AGO2: variants seen among roughly 807,000 people sequenced by gnomAD.
AGO2 encodes the protein protein argonaute-2.
In AGO2, 5 loss-of-function variants were observed where a neutral mutation model predicts 102.3. That is an observed-to-expected ratio of 0.05 (90% CI 0.03 to 0.10). The LOEUF (loss-of-function observed/expected upper bound fraction) is 0.10. Among genes scored for constraint, AGO2 ranks in the 10% least tolerant of loss-of-function variants. The probability of loss-of-function intolerance (pLI) is 1.00; values close to 1 mark genes in which losing one functional copy is unlikely to be tolerated. For missense variants in AGO2, 541 were observed against 1,183.7 expected (o/e 0.46, Z 7.97); for synonymous variants, 449 against 473.1 (o/e 0.95, Z 0.66).
rs529159852 is a variant in AGO2 at position 140,620,955 on chromosome 8, C to A, written c.22+14530G>T. Among the ~76,000 whole-genome samples, 7 of 152,282 alleles carry A rather than the reference C, an allele frequency of 4.6e-5. No homozygotes were observed. The South Asian group carries it at 1.5e-3, about 32-fold the overall frequency. On this transcript the variant is annotated intron_variant, in intron 1 of 18. Coordinates refer to ENST00000220592, the MANE Select transcript of AGO2 (RefSeq NM_012154.5). ...AAGAGACAGGGTCCCGCTCCATCACCCAGGCTGGAGTGCAATGGCATGATC... is the reference window on the plus strand; with the variant it reads ...AAGAGACAGGGTCCCGCTCCATCACACAGGCTGGAGTGCAATGGCATGATC...
chr8:140,631,170 C>T (rs953858529), intron 1 of AGO2, among the ~76,000 whole-genome samples: 4 of 152,012 alleles, frequency 2.6e-5, no homozygotes, highest in Non-Finnish European at 4.4e-5. Flanking sequence ...AAATTTTGAG[C>T]AATGGGGCTC....
At chr8:140,565,232 G>A (rs901391902) in intron 3 of AGO2, among the ~76,000 whole-genome samples, 8 of 152,196 alleles carry the variant, frequency 5.3e-5, no homozygotes, top group African/African-American at 1.7e-4. Context: ...GAGATCAGGA[G>A]ATCGAGACCA....
chr8:140,562,740 C>T lies in AGO2; in HGVS notation c.337-106G>A, dbSNP rs139675812. ...AGACACTCCTGGGTGAGGAAGTCCCCGCCCAGGCCTCTAGCCAACCACTAG... is the reference window on the plus strand; with the variant it reads ...AGACACTCCTGGGTGAGGAAGTCCCTGCCCAGGCCTCTAGCCAACCACTAG... On this transcript the variant is annotated intron_variant, in intron 3 of 18. Coordinates refer to ENST00000220592, the MANE Select transcript of AGO2 (RefSeq NM_012154.5). 6.9e-5 allele frequency: 93 copies of T among 1,357,198 alleles called. No individual in the cohort carries two copies. The East Asian group carries it at 1.5e-3, about 22-fold the overall frequency. The allele number at this position is 1,357,198 out of a possible 1,614,324, so 84.1% of individuals were successfully genotyped here.
At chr8:140,612,220 CAAAAAAAAAAAAAAAAAAAAAAAAAAAA>C (rs542472147) in intron 1 of AGO2, among the ~76,000 whole-genome samples, 1 of 95,978 alleles carries the variant, frequency 1.0e-5, no homozygotes, top group African/African-American at 4.3e-5. Flanking sequence ...GACTCTGTCT[CAAAAAAAAAAAAAAAAAAAAAAAAAAAA>C]AAAAAAAAAA....
chr8:140,546,434 AGCT>A (rs2072902399), intron 13 of AGO2, among the ~76,000 whole-genome samples: 2 of 152,212 alleles, frequency 1.3e-5, no homozygotes, highest in South Asian at 4.1e-4. Flanking sequence ...GGGGTTCAAG[AGCT>A]GCTCAGGTGT....
At chr8:140,532,691 T>C (rs2072619309) in intron 17 of AGO2, 76 bp from the exon 18 acceptor site, 1 of 1,448,122 alleles carries the variant, frequency 6.9e-7, no homozygotes, top group Non-Finnish European at 9.5e-7. Context: ...AGATTTATAT[T>C]TGTATTATTA....
At chr8:140,534,879 G>C (rs1297735276) in intron 17 of AGO2, among the ~76,000 whole-genome samples, 1 of 152,202 alleles carries the variant, frequency 6.6e-6, no homozygotes, top group African/African-American at 2.4e-5. Flanking sequence ...TGGTGCTCCT[G>C]CTCCTGTCAG....
chr8:140,588,826 A>T (rs2133022290), intron 1 of AGO2, among the ~76,000 whole-genome samples: 1 of 152,298 alleles, frequency 6.6e-6, no homozygotes, highest in South Asian at 2.1e-4. Flanking sequence ...TTCCTTAGAG[A>T]GCGAGTTCGG....
At chr8:140,587,778 G>A (rs2073681259) in intron 1 of AGO2, among the ~76,000 whole-genome samples, 2 of 152,328 alleles carry the variant, frequency 1.3e-5, no homozygotes, top group South Asian at 4.1e-4. Flanking sequence ...TTCCAAAAGG[G>A]AATTCTAACA....
At chr8:140,548,340 G>GA (rs1241765722) in intron 12 of AGO2, among the ~76,000 whole-genome samples, 1 of 143,682 alleles carries the variant, frequency 7.0e-6, no homozygotes, top group Non-Finnish European at 1.5e-5. Context: ...AAAAGGAAAA[G>GA]AAAAAAAGGA....
At chr8:140,615,975 A>C (rs2074137735) in intron 1 of AGO2, among the ~76,000 whole-genome samples, 1 of 152,238 alleles carries the variant, frequency 6.6e-6, no homozygotes, top group African/African-American at 2.4e-5. Context: ...ATGCTTTCTG[A>C]TATCATTCAT....
intron 2 of AGO2, among the ~76,000 whole-genome samples, chr8:140,574,679 G>A (rs768622749): frequency 6.6e-6 from 1 of 152,142 alleles, no homozygotes; most frequent in Non-Finnish European, 1.5e-5. Context: ...AAAGGCCCAT[G>A]TGAGGGAAAT....
Position 140,539,253 on chromosome 8 carries a change from A to T in AGO2, c.2169+67T>A. The T allele has an allele frequency of 6.5e-7, 1 of 1,531,814 alleles. No homozygotes were observed. Among genetic ancestry groups the T allele is most frequent in the Non-Finnish European group, 8.8e-7 (1 of 1,137,930 alleles). The allele number at this position is 1,531,814 out of a possible 1,614,324, so 94.9% of individuals were successfully genotyped here. A position where few individuals can be genotyped will look rare whatever the true frequency, so the allele number is the denominator to read the frequency against. On this transcript the variant is annotated intron_variant, in intron 16 of 18. Transcript: ENST00000220592. The surrounding 1 kb of genome is among the most constrained non-coding windows in gnomAD (Gnocchi z 4.7). ...ACTGTGGCCAGCAGGTTCTCTTGTG[A>T]GTGTGCTCGGGGTGTGGGGCTGAGG...
intron 1 of AGO2, among the ~76,000 whole-genome samples, chr8:140,590,429 G>A (rs1204580042): frequency 2.0e-5 from 3 of 151,932 alleles, no homozygotes; most frequent in African/African-American, 7.3e-5. Flanking sequence ...ACAGATGGGG[G>A]TCCCAGGTCC....
rs144695739 is a variant in AGO2, at chr8:140,555,920, C to T, written c.1245G>A (p.Pro415=). The change falls in exon 10 of 19, where the codon CCG becomes CCA. Residue 415 remains proline (P), a synonymous_variant. Coordinates refer to ENST00000220592, the MANE Select transcript of AGO2 (RefSeq NM_012154.5). Reference sequence around the variant, plus strand: ...CCCTGCCCCCGTAGAGGATGGAGGGCGGCTGCAGCACCCGCCCAGTCACGT... The same window carrying T: ...CCCTGCCCCCGTAGAGGATGGAGGGTGGCTGCAGCACCCGCCCAGTCACGT... ...MTDVTGRVLQ[P]PSILYGGRNK... is the part of the protein sequence containing the mutation. The T allele has an allele frequency of 5.2e-4, 837 of 1,613,960 alleles. 2 individuals are homozygous for T. Among genetic ancestry groups the T allele is most frequent in the Middle Eastern group, 2.3e-3 (14 of 6,062 alleles).
At position 140,528,006 on chromosome 8, in the gene AGO2, C is replaced by T. The variant is rs549725440; in HGVS notation, c.*4038G>A. The T allele has an allele frequency of 6.6e-6, 1 of 152,374 alleles. No homozygotes were observed. The highest frequency in any genetic ancestry group is 2.1e-4 in the South Asian group (1 of 4,832). 9.4% of individuals were successfully genotyped at this position (152,374 alleles called of 1,614,324 possible). A position where few individuals can be genotyped will look rare whatever the true frequency, so the allele number is the denominator to read the frequency against. ...AGGCCTCCTGGGGACACTCCGGTGT[C>T]CCGGCTGCCTGACGTGTGGCCGGTC... On this transcript the variant is annotated 3_prime_UTR_variant, in exon 19 of 19. Transcript: ENST00000220592. This position sits in a 1 kb window ranked among gnomAD's most constrained non-coding sequence, Gnocchi z 4.5.
In AGO2 at chr8:140,524,580, G is replaced by A. The variant is rs1022976951; in HGVS notation, c.*7464C>T. 1.3e-5 allele frequency: 2 copies of A among 152,306 alleles called. No homozygotes were observed. The highest frequency in any genetic ancestry group is 3.8e-4 in the East Asian group (2 of 5,196). The allele number at this position is 152,306 out of a possible 1,614,324, so 9.4% of individuals were successfully genotyped here. ...AGGCTTAGTTCCCCAGAGAAACGCA[G>A]CCCCAACATGATTCTGAAAGGACAC... On this transcript the variant is annotated 3_prime_UTR_variant, in exon 19 of 19. Coordinates refer to ENST00000220592, the MANE Select transcript of AGO2 (RefSeq NM_012154.5).
At chr8:140,566,621 G>T (rs2977458) in intron 3 of AGO2, among the ~76,000 whole-genome samples, 45,964 of 148,078 alleles carry the variant, frequency 0.31, 7,238 homozygotes, top group East Asian at 0.37. Context: ...TTTTTTTTGG[G>T]GGGGGGGAAG....
chr8:140,533,202 A>G (rs556984112), intron 17 of AGO2, among the ~76,000 whole-genome samples: 1 of 150,512 alleles, frequency 6.6e-6, no homozygotes, highest in South Asian at 2.1e-4. Context: ...ATCCTGGCTA[A>G]CACGGTGAAA....
Sources: gnomAD v4.1 joint callset for allele counts (sites outside exome capture counted in the v4.1 genomes callset) on GRCh38, gnomAD v4.1.1 for gene constraint, Gnocchi (gnomAD v3.1) non-coding constraint, MANE v1.5 for transcripts, NCBI Gene and HGNC (gene_info 2026-07-23, HGNC 2026-07-21) for gene names.